TLE4: variants seen among roughly 807,000 people sequenced by gnomAD.
TLE4 encodes transducin-like enhancer protein 4.
In TLE4, 8 loss-of-function variants were observed where a neutral mutation model predicts 92.8. The observed-to-expected ratio is 0.09, with a 90% CI of 0.05 to 0.16. The LOEUF (loss-of-function observed/expected upper bound fraction) is 0.16. Ranked by LOEUF, TLE4 falls within the 10% of genes least tolerant of loss-of-function variation. The pLI, the probability that TLE4 is intolerant of heterozygous loss-of-function variation, is 1.00. For synonymous variants in TLE4, 371 were observed against 374.1 expected (o/e 0.99, Z 0.10); for missense variants, 675 against 997.6 (o/e 0.68, Z 4.36).
chr9:79,625,254 C>G (rs971322729), intron 5 of TLE4, among the ~76,000 whole-genome samples: 8 of 151,612 alleles, frequency 5.3e-5, no homozygotes, highest in Non-Finnish European at 1.0e-4. Flanking sequence ...CTCCTGACCT[C>G]GTGATCCGCC....
intron 7 of TLE4, among the ~76,000 whole-genome samples, chr9:79,653,173 G>C (rs2059284843): frequency 6.6e-6 from 1 of 152,122 alleles, no homozygotes; most frequent in Non-Finnish European, 1.5e-5. Flanking sequence ...ATGCTCACTT[G>C]ATATTTGACC....
intron 4 of TLE4, among the ~76,000 whole-genome samples, chr9:79,595,862 T>C (rs2043826814): frequency 6.8e-6 from 1 of 147,532 alleles, no homozygotes; most frequent in Non-Finnish European, 1.5e-5. Flanking sequence ...TTTTTTTTTT[T>C]TTTTGAGACG....
intron 7 of TLE4, chr9:79,653,057 C>T (rs1262139224): frequency 2.0e-6 from 1 of 502,192 alleles, no homozygotes; most frequent in African/African-American, 1.9e-5. Flanking sequence ...CTATGTTCCC[C>T]AGGTCTAAAT....
intron 6 of TLE4, among the ~76,000 whole-genome samples, chr9:79,645,779 T>C (rs2058017200): frequency 6.6e-6 from 1 of 152,234 alleles, no homozygotes; most frequent in Non-Finnish European, 1.5e-5. Flanking sequence ...TAAAGTTCAC[T>C]CCATTTTAAT....
At chr9:79,667,663 G>GAAGGTGGGGAGTTGGGGTACCATTTA (rs1390818217) in intron 8 of TLE4, among the ~76,000 whole-genome samples, 2 of 152,142 alleles carry the variant, frequency 1.3e-5, no homozygotes, top group Non-Finnish European at 2.9e-5. Flanking sequence ...CTTGTGAAAG[G>GAAGGTGGGGAGTTGGGGTACCATTTA]AAGGTGGGGA....
At chr9:79,610,872 A>C (rs2048215171) in intron 4 of TLE4, among the ~76,000 whole-genome samples, 1 of 151,974 alleles carries the variant, frequency 6.6e-6, no homozygotes. Context: ...GAACTAAAGA[A>C]CTCAGTTTTC....
At chr9:79,696,888 C>T (rs552218815) in intron 8 of TLE4, among the ~76,000 whole-genome samples, 4 of 152,224 alleles carry the variant, frequency 2.6e-5, no homozygotes, top group East Asian at 1.9e-4. Context: ...GTGCACCTTC[C>T]GTGAACATCC....
In TLE4 at chr9:79,610,551, C is replaced by G. The variant is rs538785061; in HGVS notation, c.253-2105C>G. On this transcript the variant is annotated intron_variant, in intron 4 of 19. Coordinates refer to ENST00000376552, the MANE Select transcript of TLE4 (RefSeq NM_007005.6). ...TGAAATCACACACACACCCCACCCC[C>G]CCACTGCCAATTAGCCTGACCATGA... Among the ~76,000 whole-genome samples the G allele has an allele frequency of 3.1e-4, 47 of 152,160 alleles. 2 individuals are homozygous for G. In the South Asian group the frequency reaches 3.9e-3, roughly 13 times the overall value.
Position 79,586,232 on chromosome 9 carries a change from G to A in TLE4, c.252+10055G>A, listed in dbSNP as rs556310030. 8.6e-5 allele frequency among the ~76,000 whole-genome samples: 13 copies of A among 152,036 alleles called. No individual in the cohort carries two copies. The South Asian group carries it at 2.5e-3, about 29-fold the overall frequency. On this transcript the variant is annotated intron_variant, in intron 4 of 19. Coordinates refer to ENST00000376552, the MANE Select transcript of TLE4 (RefSeq NM_007005.6). The stretch of plus-strand genomic sequence containing the variant: ...CTAAAAATTAACTGGGCGTGGTGGC[G>A]CATGACTGTAATCCCAGCTACTCGG...
chr9:79,594,430 T>G (rs2043445971), intron 4 of TLE4, among the ~76,000 whole-genome samples: 1 of 152,206 alleles, frequency 6.6e-6, no homozygotes, highest in Admixed American at 6.5e-5. Context: ...AGATTGATAG[T>G]GTATTATCTT....
intron 8 of TLE4, among the ~76,000 whole-genome samples, chr9:79,676,083 C>T (rs2063207037): frequency 6.6e-6 from 1 of 152,034 alleles, no homozygotes; most frequent in Non-Finnish European, 1.5e-5. Context: ...AGCTAGATTG[C>T]CCTGGTAGAG....
intron 7 of TLE4, 76 bp from the exon 8 acceptor site, chr9:79,653,983 A>G (rs149093919): frequency 1.6e-5 from 24 of 1,490,840 alleles, no homozygotes; most frequent in Non-Finnish European, 2.0e-5. Flanking sequence ...GTATGATTTT[A>G]TGTAAACTAA....
intron 8 of TLE4, among the ~76,000 whole-genome samples, chr9:79,702,459 T>A (rs1437006254): frequency 6.6e-6 from 1 of 152,108 alleles, no homozygotes; most frequent in Non-Finnish European, 1.5e-5. Flanking sequence ...ACTGAGTGCA[T>A]TGGGTTGTGT....
At chr9:79,573,164 G>T (rs2036366621) in intron 1 of TLE4, 2 of 868,110 alleles carry the variant, frequency 2.3e-6, no homozygotes, top group East Asian at 1.3e-4. Flanking sequence ...CTCCGCGCCC[G>T]GGCGGGGAGG....
At chr9:79,582,505 T>C (rs2039933518) in intron 4 of TLE4, among the ~76,000 whole-genome samples, 1 of 152,230 alleles carries the variant, frequency 6.6e-6, no homozygotes, top group South Asian at 2.1e-4. Flanking sequence ...TCATTTAATC[T>C]TTGCTTTCCT....
chr9:79,600,084 G>T (rs888534761), intron 4 of TLE4, among the ~76,000 whole-genome samples: 1 of 152,126 alleles, frequency 6.6e-6, no homozygotes, highest in Admixed American at 6.5e-5. Flanking sequence ...AAAAATACAC[G>T]GGCAGTAATG....
intron 15 of TLE4, among the ~76,000 whole-genome samples, chr9:79,719,175 C>T (rs79653172): frequency 0.022 from 3,318 of 152,130 alleles, 50 homozygotes; most frequent in Middle Eastern, 0.065. Flanking sequence ...GTGGCATGTG[C>T]ACCATACTGA....
intron 5 of TLE4, among the ~76,000 whole-genome samples, chr9:79,614,756 C>A (rs976985313): frequency 6.6e-6 from 1 of 152,146 alleles, no homozygotes; most frequent in Non-Finnish European, 1.5e-5. Flanking sequence ...AGTGGCCCAA[C>A]ACAAATTTTA....
intron 14 of TLE4, among the ~76,000 whole-genome samples, chr9:79,715,493 C>A (rs2074306521): frequency 6.6e-6 from 1 of 152,082 alleles, no homozygotes; most frequent in Non-Finnish European, 1.5e-5. Flanking sequence ...CTTTCCATTT[C>A]ATTCACTGAC....
Sources: gnomAD v4.1 joint callset for allele counts (sites outside exome capture counted in the v4.1 genomes callset) on GRCh38, gnomAD v4.1.1 for gene constraint, MANE v1.5 for transcripts, NCBI Gene and HGNC (gene_info 2026-07-23, HGNC 2026-07-21) for gene names.